CTSO: variants seen among roughly 807,000 people sequenced by gnomAD.
The protein encoded by CTSO is cathepsin O.
In CTSO, 40 loss-of-function variants were observed where a neutral mutation model predicts 42.4. The observed-to-expected ratio is 0.94, with a 90% confidence interval of 0.73 to 1.23. CTSO has a LOEUF of 1.23. CTSO is among the 50% of genes most tolerant of loss of function. The probability of loss-of-function intolerance (pLI) is 0.00; values close to 1 mark genes in which losing one functional copy is unlikely to be tolerated. For missense variants in CTSO, 441 were observed against 396.0 expected (o/e 1.11, Z -0.96); for synonymous variants, 156 against 146.2 (o/e 1.07, Z -0.48).
chr4:155,927,863 G>A (rs1743158539), intron 7 of CTSO, among the ~76,000 whole-genome samples: 1 of 151,992 alleles, frequency 6.6e-6, no homozygotes, highest in South Asian at 2.1e-4. Context: ...CTAGAATTTT[G>A]TAGGTGGCAA....
At chr4:155,950,852 ACCC>A (rs113950397) in intron 1 of CTSO, among the ~76,000 whole-genome samples, 47 of 148,696 alleles carry the variant, frequency 3.2e-4, no homozygotes, top group African/African-American at 1.0e-3. Flanking sequence ...TCCTCACCCC[ACCC>A]CCACACCCCA....
chr4:155,936,686 C>G (rs1021656537), intron 5 of CTSO, among the ~76,000 whole-genome samples: 1 of 152,138 alleles, frequency 6.6e-6, no homozygotes, highest in Admixed American at 6.5e-5. Flanking sequence ...TTGTTTTCCC[C>G]AAAACTATCC....
intron 5 of CTSO, among the ~76,000 whole-genome samples, chr4:155,932,726 T>C (rs1396436487): frequency 6.6e-6 from 1 of 152,162 alleles, no homozygotes; most frequent in East Asian, 1.9e-4. Context: ...AGCATGAGGT[T>C]AGCCACAGCA....
In CTSO at chr4:155,925,898, G is replaced by A. The variant is rs1029516261; in HGVS notation, c.*138C>T. The A allele has an allele frequency of 9.4e-6, 7 of 747,794 alleles. No homozygotes were observed. Among genetic ancestry groups the A allele is most frequent in the Non-Finnish European group, 1.5e-5 (7 of 455,860 alleles). The allele number at this position is 747,794 out of a possible 1,614,324, so 46.3% of individuals were successfully genotyped here. ...CAAGAAGGGAACATTCTGAAACTTA[G>A]TTTAAATACTACTAGGCCTTAGAAT... is the stretch of plus-strand genomic sequence containing the variant. On this transcript the variant is annotated 3_prime_UTR_variant, in exon 8 of 8. Coordinates refer to ENST00000433477, the MANE Select transcript of CTSO (RefSeq NM_001334.3).
At chr4:155,950,479 A>C (rs13108152) in intron 1 of CTSO, among the ~76,000 whole-genome samples, 68,033 of 151,234 alleles carry the variant, frequency 0.45, 16,950 homozygotes, top group East Asian at 0.72. Context: ...CCATTTAGTC[A>C]ATGTATGCTT....
intron 3 of CTSO, among the ~76,000 whole-genome samples, chr4:155,941,885 A>G (rs928360910): frequency 1.4e-5 from 2 of 147,350 alleles, no homozygotes; most frequent in African/African-American, 4.9e-5. Flanking sequence ...CTGTTGGTAA[A>G]TGTATCCATT....
In CTSO at chr4:155,925,231, G is replaced by T. The variant is rs1743110161; in HGVS notation, c.*805C>A. 1 of 151,854 alleles carries T rather than the reference G, an allele frequency of 6.6e-6. No individual in the cohort carries two copies. The highest frequency in any genetic ancestry group is 1.5e-5 in the Non-Finnish European group (1 of 67,946). 9.4% of individuals were successfully genotyped at this position (151,854 alleles called of 1,614,324 possible). Reference sequence around the variant, plus strand: ...TAAGAGAAAGAGGGAGAAAATATGAGATAATATTTTGGTATTTTGATATAC... The same window carrying T: ...TAAGAGAAAGAGGGAGAAAATATGATATAATATTTTGGTATTTTGATATAC... On this transcript the variant is annotated 3_prime_UTR_variant, in exon 8 of 8. Transcript: ENST00000433477.
intron 1 of CTSO, among the ~76,000 whole-genome samples, chr4:155,952,332 T>C (rs946001250): frequency 1.3e-5 from 2 of 152,070 alleles, no homozygotes. Context: ...TATACACATA[T>C]ATATTTATAA....
chr4:155,937,330 T>C, intron 5 of CTSO, 32 bp downstream of exon 5: 3 of 1,542,544 alleles, frequency 1.9e-6, no homozygotes, highest in East Asian at 2.3e-5. Context: ...TAAAAATGTA[T>C]AAAGAAAAAC....
Position 155,943,207 on chromosome 4 carries a change from C to T in CTSO, c.193G>A (p.Ala65Thr), listed in dbSNP as rs114862424. Residue 65 changes from alanine (A) to threonine (T), a missense_variant, in exon 2 of 8, where the codon GCC becomes ACC. Coordinates refer to ENST00000433477, the MANE Select transcript of CTSO (RefSeq NM_001334.3). ...GAAAACTGATTTATTCCATAGAAGG[C>T]GGTGGAGTTTTCACTGGGAAATAAA... ...NSLFPSENSTAFYGINQFSYL... is the reference protein window; with the variant it reads ...NSLFPSENSTTFYGINQFSYL... The T allele has an allele frequency of 1.2e-3, 1,919 of 1,611,918 alleles. 19 individuals are homozygous for T. In the African/African-American group the frequency reaches 0.022, roughly 19 times the overall value.
chr4:155,938,828 C>T (rs1236717713), intron 4 of CTSO, among the ~76,000 whole-genome samples: 1 of 151,874 alleles, frequency 6.6e-6, no homozygotes, highest in Non-Finnish European at 1.5e-5. Flanking sequence ...TGGTGGTGGG[C>T]ACCTATAGTT....
intron 1 of CTSO, among the ~76,000 whole-genome samples, chr4:155,946,087 C>T (rs1459679575): frequency 1.3e-5 from 2 of 152,070 alleles, no homozygotes; most frequent in Admixed American, 1.3e-4. Flanking sequence ...GGGTTCTACA[C>T]GTGTGTCTGG....
intron 1 of CTSO, among the ~76,000 whole-genome samples, chr4:155,944,923 A>C: frequency 6.9e-6 from 1 of 144,332 alleles, no homozygotes; most frequent in African/African-American, 2.5e-5. Flanking sequence ...ACCTCTCCCT[A>C]TTAGTTCACA....
rs1743089208 is a variant in CTSO at position 155,924,145 on chromosome 4, G to T, written c.*1891C>A. ...CTTTTTAAACCAAAGTCAAATGTAG[G>T]TTGTTTTATTGTAAATGTCATCAAA... On this transcript the variant is annotated 3_prime_UTR_variant, in exon 8 of 8. Transcript: ENST00000433477. 2 of 152,178 alleles carry T rather than the reference G, an allele frequency of 1.3e-5. No homozygotes were observed. The highest frequency in any genetic ancestry group is 2.4e-5 in the African/African-American group (1 of 41,444). 9.4% of individuals were successfully genotyped at this position (152,178 alleles called of 1,614,324 possible).
chr4:155,952,477 T>G (rs1743692812), intron 1 of CTSO, among the ~76,000 whole-genome samples: 1 of 152,206 alleles, frequency 6.6e-6, no homozygotes, highest in South Asian at 2.1e-4. Flanking sequence ...CCAATAAAGG[T>G]GAAACTGACT....
chr4:155,934,955 G>A (rs1464142860), intron 5 of CTSO, among the ~76,000 whole-genome samples: 1 of 152,156 alleles, frequency 6.6e-6, no homozygotes, highest in Admixed American at 6.5e-5. Context: ...GTGAAGACAT[G>A]AGATTTGGAG....
intron 6 of CTSO, among the ~76,000 whole-genome samples, chr4:155,929,093 T>G (rs973779212): frequency 6.6e-6 from 1 of 152,220 alleles, no homozygotes; most frequent in Non-Finnish European, 1.5e-5. Context: ...ATCAGCAATC[T>G]TGTGCCTTAA....
At chr4:155,927,729 CAT>C (rs1743155393) in intron 7 of CTSO, among the ~76,000 whole-genome samples, 1 of 151,804 alleles carries the variant, frequency 6.6e-6, no homozygotes, top group Non-Finnish European at 1.5e-5. Context: ...GAGCCGAGAT[CAT>C]GCCACTGCAC....
chr4:155,940,568 C>G (rs1216873474), intron 3 of CTSO, among the ~76,000 whole-genome samples: 1 of 152,062 alleles, frequency 6.6e-6, no homozygotes, highest in Non-Finnish European at 1.5e-5. Flanking sequence ...CAAAGGTGAA[C>G]ACAGGGCAGC....
Sources: allele counts gnomAD v4.1 joint callset (sites outside exome capture counted in the v4.1 genomes callset), GRCh38; gene constraint gnomAD v4.1.1; transcripts MANE v1.5; gene names NCBI Gene and HGNC (gene_info 2026-07-23, HGNC 2026-07-21).